CFAP47: variants seen among roughly 807,000 people sequenced by gnomAD.
CFAP47 encodes cilia and flagella associated protein 47.
Under a neutral mutation model 148.1 loss-of-function variants are expected in CFAP47, and 29 were observed. That is an observed-to-expected ratio of 0.20 (90% CI 0.15 to 0.27). The LOEUF (loss-of-function observed/expected upper bound fraction) is 0.27. Ranked by LOEUF, CFAP47 falls within the 10% of genes least tolerant of loss-of-function variation. The pLI is 1.00. For synonymous variants in CFAP47, 664 were observed against 577.3 expected (o/e 1.15, Z -2.15); for missense variants, 1,872 against 1,697.5 (o/e 1.10, Z -1.81).
chrX:36,131,113 C>T (rs759667535), intron 33 of CFAP47, among the ~76,000 whole-genome samples: 1 of 110,922 alleles, frequency 9.0e-6, no homozygotes, highest in East Asian at 2.8e-4. Context: ...GAGATGGATG[C>T]CCTATTCTTC....
chrX:36,300,653 A>G (rs1195305512), intron 52 of CFAP47, among the ~76,000 whole-genome samples: 1 of 112,125 alleles, frequency 8.9e-6, no homozygotes, highest in Non-Finnish European at 1.9e-5. Context: ...TGTGCTGATC[A>G]TAAAGGAAGT....
intron 62 of CFAP47, among the ~76,000 whole-genome samples, chrX:36,372,746 A>T (rs1556022177): frequency 1.8e-5 from 2 of 112,314 alleles, no homozygotes; most frequent in Admixed American, 1.9e-4. Flanking sequence ...TGACCAAAAT[A>T]TAGATGATAA....
intron 25 of CFAP47, among the ~76,000 whole-genome samples, chrX:36,044,975 T>C (rs1302295014): frequency 8.9e-6 from 1 of 112,438 alleles, no homozygotes; most frequent in Non-Finnish European, 1.9e-5. Context: ...AATAGTTTTC[T>C]TGCAGAGTCT....
At chrX:35,980,645 A>G (rs1255706685) in intron 15 of CFAP47, among the ~76,000 whole-genome samples, 1 of 110,455 alleles carries the variant, frequency 9.1e-6, no homozygotes, top group Non-Finnish European at 1.9e-5. Flanking sequence ...TGCATTTGTT[A>G]TGTCATCAAC....
At chrX:36,242,071 C>A (rs1325748514) in intron 48 of CFAP47, among the ~76,000 whole-genome samples, 2 of 112,002 alleles carry the variant, frequency 1.8e-5, no homozygotes, top group Admixed American at 1.9e-4. Flanking sequence ...AAAGACAGCC[C>A]CCAAAATATT....
chrX:36,031,782 T>A (rs946275102), intron 23 of CFAP47, among the ~76,000 whole-genome samples: 5 of 107,150 alleles, frequency 4.7e-5, no homozygotes, highest in Non-Finnish European at 9.6e-5. Flanking sequence ...AGTTACTATT[T>A]TTTCTTAAAG....
chrX:36,062,271 A>G (rs773315180), intron 26 of CFAP47, among the ~76,000 whole-genome samples: 1 of 111,773 alleles, frequency 8.9e-6, no homozygotes, highest in South Asian at 3.7e-4. Flanking sequence ...TTGACATGCC[A>G]TCACGGTATT....
intron 19 of CFAP47, among the ~76,000 whole-genome samples, chrX:35,999,605 T>C (rs1442816511): frequency 1.8e-5 from 2 of 112,130 alleles, no homozygotes; most frequent in Non-Finnish European, 3.8e-5. Flanking sequence ...ACAGAGTTGG[T>C]CCTGAGCACA....
At chrX:36,230,355 G>T (rs1473969092) in intron 46 of CFAP47, among the ~76,000 whole-genome samples, 2 of 108,559 alleles carry the variant, frequency 1.8e-5, no homozygotes, top group Admixed American at 9.9e-5. Flanking sequence ...TTTCTCTGAT[G>T]GCCAGTGATG....
intron 56 of CFAP47, among the ~76,000 whole-genome samples, chrX:36,313,269 G>T (rs183168801): frequency 6.1e-3 from 679 of 111,197 alleles, no homozygotes; most frequent in African/African-American, 0.021. Flanking sequence ...AGTTCTTCAT[G>T]GCTGGGGAGG....
In CFAP47 at chrX:36,246,974, CAT is replaced by C. The variant is rs782560019; in HGVS notation, c.7333-4356_7333-4355del. Among the ~76,000 whole-genome samples, 59 of 111,290 alleles carry C rather than the reference CAT, an allele frequency of 5.3e-4. 1 individual carries two copies. Among genetic ancestry groups the C allele is most frequent in the South Asian group, 1.9e-3 (5 of 2,636 alleles). ...ACTCTACCAAAAAGACACATGAACT[CAT>C]ATGTTCATTGCAGTACTATTCACAG... On this transcript the variant is annotated intron_variant, in intron 48 of 63. Transcript: ENST00000378653.
In CFAP47 at chrX:36,014,793, T is replaced by A; in HGVS notation, c.3437T>A (p.Ile1146Asn). 1 of 294,781 alleles carries A rather than the reference T, an allele frequency of 3.4e-6. No homozygotes were observed. The highest frequency in any genetic ancestry group is 5.9e-6 in the Non-Finnish European group (1 of 168,341). 24.3% of individuals were successfully genotyped at this position (294,781 alleles called of 1,213,427 possible). A position where few individuals can be genotyped will look rare whatever the true frequency, so the allele number is the denominator to read the frequency against. The change falls in exon 22 of 64, where the codon ATC becomes AAC. Residue 1146 changes from isoleucine (I) to asparagine (N), a missense_variant. Ile to Asn is a moderately radical substitution (Grantham distance 149). Transcript: ENST00000378653. The part of the protein sequence containing the change: ...SPKEVTVVEF[I>N]IQVQINFFES... ...TATCAGGTGACAGTAGTTGAATTCA[T>A]CATTCAAGTTCAGATTAATTTCTTT...
chrX:36,308,062 T>A (rs945892882), intron 55 of CFAP47, among the ~76,000 whole-genome samples: 26 of 111,347 alleles, frequency 2.3e-4, no homozygotes, highest in African/African-American at 8.1e-4. Context: ...TGGGGGCAAT[T>A]TTTTTGCTTG....
chrX:36,050,742 G>A (rs1361336716), intron 26 of CFAP47, among the ~76,000 whole-genome samples: 1 of 111,527 alleles, frequency 9.0e-6, no homozygotes, highest in Non-Finnish European at 1.9e-5. Context: ...AAGACAATGG[G>A]GAAAATGTCT....
chrX:36,037,715 C>A (rs970010606), intron 24 of CFAP47, among the ~76,000 whole-genome samples: 1 of 110,841 alleles, frequency 9.0e-6, no homozygotes, highest in Non-Finnish European at 1.9e-5. Context: ...CTGAAATAAT[C>A]TCAAAGTAGG....
chrX:36,088,050 ATCT>A (rs886518099), intron 30 of CFAP47, among the ~76,000 whole-genome samples: 1 of 111,170 alleles, frequency 9.0e-6, no homozygotes, highest in African/African-American at 3.3e-5. Flanking sequence ...TTCAAATTTC[ATCT>A]TCTTATAAAG....
At chrX:36,049,488 T>TCA (rs397895931) in intron 26 of CFAP47, among the ~76,000 whole-genome samples, 37,152 of 91,772 alleles carry the variant, frequency 0.4, 6,522 homozygotes, top group Middle Eastern at 0.56. Flanking sequence ...TTTCTCTCTC[T>TCA]CACACACACA....
intron 49 of CFAP47, among the ~76,000 whole-genome samples, chrX:36,273,728 T>C (rs1940984091): frequency 9.0e-6 from 1 of 111,589 alleles, no homozygotes; most frequent in Non-Finnish European, 1.9e-5. Flanking sequence ...CTCATAATCA[T>C]TATTTGCTGC....
chrX:36,318,956 A>G (rs1941457750), intron 56 of CFAP47, among the ~76,000 whole-genome samples: 3 of 111,801 alleles, frequency 2.7e-5, no homozygotes, highest in African/African-American at 9.8e-5. Context: ...TTTTAGGCAC[A>G]TGCCACTGTG....
Sources: gnomAD v4.1 joint callset for allele counts (sites outside exome capture counted in the v4.1 genomes callset) on GRCh38, gnomAD v4.1.1 for gene constraint, MANE v1.5 for transcripts, NCBI Gene and HGNC (gene_info 2026-07-23, HGNC 2026-07-21) for gene names.